Variants in UBE2V1 observed in about 807,000 individuals in gnomAD.
UBE2V1 encodes ubiquitin conjugating enzyme E2 V1, also known as ubiquitin-conjugating enzyme E2 variant 1.
UBE2V1 carries 15 observed loss-of-function variants against 19.6 expected under a neutral mutation model. The observed-to-expected ratio is 0.77, with a 90% CI of 0.51 to 1.18. The LOEUF (loss-of-function observed/expected upper bound fraction) is 1.18, where lower values mean the gene tolerates loss of function less well. Among genes scored for constraint, UBE2V1 ranks in the 50% most tolerant of loss-of-function variants. The pLI is 0.00. For synonymous variants in UBE2V1, 60 were observed against 60.7 expected, an observed-to-expected ratio of 0.99 and a Z score of 0.05; for missense variants, 125 against 184.8, an observed-to-expected ratio of 0.68 and a Z score of 1.88.
At chr20:50,108,244 G>C (rs2080519649) in intron 1 of UBE2V1, among the ~76,000 whole-genome samples, 2 of 152,196 alleles carry the variant, frequency 1.3e-5, no homozygotes, top group African/African-American at 4.8e-5. Flanking sequence ...GTTAGATTAG[G>C]ATGACAAGAG....
chr20:50,086,712 A>T (rs1459540012), intron 2 of UBE2V1, among the ~76,000 whole-genome samples: 1 of 152,164 alleles, frequency 6.6e-6, no homozygotes, highest in African/African-American at 2.4e-5. Flanking sequence ...TTCATCTGGT[A>T]ATTTCACTGG....
chr20:50,092,692 G>A (rs531618091), intron 2 of UBE2V1, among the ~76,000 whole-genome samples: 22 of 152,304 alleles, frequency 1.4e-4, no homozygotes, highest in African/African-American at 3.8e-4. Context: ...ATTGTGCAAG[G>A]AGCAGTTGGC....
chr20:50,094,911 C>T (rs558354590), intron 2 of UBE2V1: 11 of 152,150 alleles, frequency 7.2e-5, no homozygotes, highest in Non-Finnish European at 1.3e-4. Flanking sequence ...ATGGAGGACT[C>T]CTGGCATACC....
chr20:50,089,876 T>A (rs1050865797), intron 2 of UBE2V1, among the ~76,000 whole-genome samples: 1 of 152,156 alleles, frequency 6.6e-6, no homozygotes, highest in Non-Finnish European at 1.5e-5. Context: ...ACCCTTCACA[T>A]TTGCTTGCTG....
intron 1 of UBE2V1, chr20:50,109,141 A>C: frequency 2.0e-6 from 2 of 985,400 alleles, no homozygotes; most frequent in Non-Finnish European, 2.4e-6. Context: ...ACAACATCAC[A>C]GGTAAGTCGA....
At chr20:50,094,249 TA>T (rs2079476081) in intron 2 of UBE2V1, among the ~76,000 whole-genome samples, 6 of 139,952 alleles carry the variant, frequency 4.3e-5, no homozygotes, top group African/African-American at 1.6e-4. Context: ...ATGCATTATA[TA>T]ATATATAATG....
intron 2 of UBE2V1, among the ~76,000 whole-genome samples, chr20:50,088,567 C>A (rs879413682): frequency 6.6e-6 from 1 of 152,146 alleles, no homozygotes; most frequent in Non-Finnish European, 1.5e-5. Flanking sequence ...AGGAGGACTG[C>A]GTGAGCCCAG....
At chr20:50,104,853 A>C (rs1180989010) in intron 1 of UBE2V1, among the ~76,000 whole-genome samples, 3 of 151,532 alleles carry the variant, frequency 2.0e-5, no homozygotes, top group Non-Finnish European at 2.9e-5. Context: ...CAGCCTCCCG[A>C]GTGGCTGGGA....
At chr20:50,084,636 G>C (rs1032228678) in intron 2 of UBE2V1, 10 of 442,808 alleles carry the variant, frequency 2.3e-5, no homozygotes, top group Non-Finnish European at 4.1e-5. Context: ...CAGCCAATCA[G>C]TTAAATAACA....
At chr20:50,105,923 AAAAAAAACAAAAAACAAAAAAAC>A (rs1283604242) in intron 1 of UBE2V1, among the ~76,000 whole-genome samples, 2 of 150,528 alleles carry the variant, frequency 1.3e-5, no homozygotes, top group East Asian at 1.9e-4. Context: ...GAGACTCGTC[AAAAAAAACAAAAAACAAAAAAAC>A]AAAAAAACAA....
At chr20:50,111,387 C>G (rs1454811941) in intron 1 of UBE2V1, 1 of 1,000,064 alleles carries the variant, frequency 1.0e-6, no homozygotes, top group African/African-American at 1.7e-5. Context: ...TGAGCTGCAA[C>G]AGCACCTTAT....
intron 2 of UBE2V1, chr20:50,095,934 A>C (rs1050619016): frequency 6.6e-6 from 1 of 152,256 alleles, no homozygotes; most frequent in African/African-American, 2.4e-5. Flanking sequence ...CAGCTATGTG[A>C]CTTTGGGCAA....
intron 1 of UBE2V1, 115 bp from the exon 2 acceptor site, chr20:50,096,935 T>A (rs1214161503): frequency 4.3e-5 from 65 of 1,504,332 alleles, no homozygotes; most frequent in Non-Finnish European, 5.7e-5. Context: ...TGCAAAAAAA[T>A]CACGGAAAGT....
chr20:50,084,652 T>G (rs2078804260), intron 2 of UBE2V1: 1 of 426,718 alleles, frequency 2.3e-6, no homozygotes, highest in Non-Finnish European at 4.7e-6. Flanking sequence ...TAACACTATG[T>G]GGTATTAAAG....
chr20:50,082,079 G>A lies in UBE2V1; in HGVS notation c.*689C>T, dbSNP rs994499953. 3 of 181,928 alleles carry A rather than the reference G, an allele frequency of 1.6e-5. No homozygotes were observed. The highest frequency in any genetic ancestry group is 2.4e-5 in the African/African-American group (1 of 42,338). 11.3% of individuals were successfully genotyped at this position (181,928 alleles called of 1,614,324 possible). ...GGAGGGAGAAAAAGCAGCACCCCTC[G>A]ATAAAGGTGGGGGAGAGAAGATATG... On this transcript the variant is annotated 3_prime_UTR_variant, in exon 4 of 4. Coordinates refer to ENST00000371674, the MANE Select transcript of UBE2V1 (RefSeq NM_001032288.3).
At chr20:50,112,417 C>T (rs2080815906) in intron 1 of UBE2V1, among the ~76,000 whole-genome samples, 1 of 152,226 alleles carries the variant, frequency 6.6e-6, no homozygotes, top group African/African-American at 2.4e-5. Context: ...ATTTCACTAT[C>T]ACCGCTATTA....
At chr20:50,111,570 C>T (rs2147222128) in intron 1 of UBE2V1, 1 of 1,000,232 alleles carries the variant, frequency 1.0e-6, no homozygotes. Context: ...CAGCTGAAAC[C>T]AAAATCGAGT....
chr20:50,090,862 A>T (rs942154805), intron 2 of UBE2V1, among the ~76,000 whole-genome samples: 3 of 152,236 alleles, frequency 2.0e-5, no homozygotes, highest in African/African-American at 7.2e-5. Context: ...TGGTTGTGGT[A>T]ATCATTACAC....
At chr20:50,113,187 C>T (rs2147241521), upstream of UBE2V1, 2 of 1,244,564 alleles carry the variant, frequency 1.6e-6, no homozygotes, top group South Asian at 3.1e-5. Flanking sequence ...ACCCGTCCCC[C>T]GGCCCTGATG....
Sources: allele counts gnomAD v4.1 joint callset (sites outside exome capture counted in the v4.1 genomes callset), GRCh38; gene constraint gnomAD v4.1.1; transcripts MANE v1.5; gene names NCBI Gene and HGNC (gene_info 2026-07-23, HGNC 2026-07-21).